CD109: variants seen among roughly 807,000 people sequenced by gnomAD.
CD109 encodes the protein CD109 antigen.
A neutral mutation model predicts 165.8 loss-of-function variants in CD109; 149 were observed. The observed-to-expected ratio is 0.90, with a 90% CI of 0.79 to 1.03. The LOEUF (loss-of-function observed/expected upper bound fraction) is 1.03, where lower values mean the gene tolerates loss of function less well. Among genes scored for constraint, CD109 ranks in the 50% least tolerant of loss-of-function variants. CD109 has a pLI of 0.00. For synonymous variants in CD109, 585 were observed against 592.1 expected (o/e 0.99, Z 0.18); for missense variants, 1,712 against 1,677.8 (o/e 1.02, Z -0.36).
At chr6:73,736,339 C>T (rs1582080396) in intron 4 of CD109, 44 bp from the exon 5 acceptor site, 5 of 1,604,352 alleles carry the variant, frequency 3.1e-6, no homozygotes, top group Non-Finnish European at 3.4e-6. Context: ...TACACATGCA[C>T]ATGGGCAGCC....
intron 3 of CD109, among the ~76,000 whole-genome samples, chr6:73,724,754 C>T (rs1417672287): frequency 2.0e-5 from 3 of 151,926 alleles, no homozygotes; most frequent in Non-Finnish European, 4.4e-5. Flanking sequence ...CTGGCATGTG[C>T]CACCATGCCT....
intron 2 of CD109, among the ~76,000 whole-genome samples, chr6:73,710,675 T>A (rs957093320): frequency 3.3e-5 from 5 of 152,046 alleles, no homozygotes; most frequent in Non-Finnish European, 7.4e-5. Context: ...GTGGCATGAG[T>A]CCAAGTCTCC....
intron 24 of CD109, among the ~76,000 whole-genome samples, chr6:73,803,520 C>CT (rs1013210554): frequency 6.6e-6 from 1 of 151,852 alleles, no homozygotes; most frequent in Non-Finnish European, 1.5e-5. Context: ...TATAAATCCT[C>CT]TTTTTTGTGT....
chr6:73,778,560 T>G (rs1399241243), intron 15 of CD109, among the ~76,000 whole-genome samples: 1 of 152,178 alleles, frequency 6.6e-6, no homozygotes, highest in Non-Finnish European at 1.5e-5. Context: ...GTATTTGTAT[T>G]TTGTGACAGA....
intron 30 of CD109, 86 bp downstream of exon 30, chr6:73,815,209 C>G: frequency 8.9e-7 from 1 of 1,127,712 alleles, no homozygotes; most frequent in Non-Finnish European, 1.2e-6. Context: ...CTATATCAAT[C>G]TAAGAGTTAT....
At chr6:73,761,051 AC>A (rs1773608184) in intron 7 of CD109, among the ~76,000 whole-genome samples, 1 of 151,636 alleles carries the variant, frequency 6.6e-6, no homozygotes, top group Non-Finnish European at 1.5e-5. Flanking sequence ...ACACACACAC[AC>A]ACACACACAC....
chr6:73,807,956 G>A, intron 25 of CD109, 127 bp from the exon 26 acceptor site: 1 of 715,256 alleles, frequency 1.4e-6, no homozygotes, highest in East Asian at 2.8e-5. Context: ...TCATTGCCTA[G>A]TACAAGGTCA....
At chr6:73,716,937 T>C (rs1771766240) in intron 2 of CD109, among the ~76,000 whole-genome samples, 2 of 152,210 alleles carry the variant, frequency 1.3e-5, no homozygotes, top group South Asian at 4.1e-4. Flanking sequence ...CTTTAATCCA[T>C]TTTGATTTGA....
Position 73,762,913 on chromosome 6 carries a change from A to G in CD109, c.997+31A>G. The G allele has an allele frequency of 3.8e-6, 6 of 1,566,822 alleles. No individual in the cohort carries two copies. The South Asian group carries it at 7.2e-5, about 19-fold the overall frequency. On this transcript the variant is annotated intron_variant, in intron 9 of 32. Coordinates refer to ENST00000287097, the MANE Select transcript of CD109 (RefSeq NM_133493.5). ...TAGACTTTAAAGTGGAGGTAAAACT[A>G]TTCATGTGACACTGCTTTATCATCT...
At chr6:73,755,969 A>G (rs1195514311) in intron 5 of CD109, among the ~76,000 whole-genome samples, 1 of 152,114 alleles carries the variant, frequency 6.6e-6, no homozygotes, top group East Asian at 1.9e-4. Flanking sequence ...TGAAAAAACA[A>G]AAACAAAAAC....
chr6:73,745,209 CT>C (rs1487189919), intron 5 of CD109, among the ~76,000 whole-genome samples: 5 of 152,164 alleles, frequency 3.3e-5, no homozygotes, highest in Non-Finnish European at 5.9e-5. Context: ...TCAAGTGATT[CT>C]CCTGCCTTAG....
At chr6:73,739,371 A>G (rs1469759424) in intron 5 of CD109, among the ~76,000 whole-genome samples, 2 of 152,206 alleles carry the variant, frequency 1.3e-5, no homozygotes, top group Non-Finnish European at 2.9e-5. Context: ...TTCTTTGACT[A>G]CTGCGCAGCA....
chr6:73,711,229 G>A (rs1284196244), intron 2 of CD109, among the ~76,000 whole-genome samples: 1 of 151,634 alleles, frequency 6.6e-6, no homozygotes. Flanking sequence ...ACTTTTAGTA[G>A]GTTTGTGTTT....
rs1476748918 is a variant in CD109, at chr6:73,818,514, A to G, written c.4038A>G (p.Lys1346=). 5.0e-6 allele frequency: 8 copies of G among 1,612,558 alleles called. No homozygotes were observed. Among genetic ancestry groups the G allele is most frequent in the Non-Finnish European group, 4.2e-6 (5 of 1,179,688 alleles). ...AGAAAGTGGAATATGATCATGGAAA[A>G]CTCAACCTCTATTTAGATTCTGTAA... is the stretch of plus-strand genomic sequence containing the variant. ...TVKKVEYDHG[K]LNLYLDSVNE... The change falls in exon 31 of 33, where the codon AAA becomes AAG. Residue 1346 remains lysine (K), a synonymous_variant. Transcript: ENST00000287097.
the CD109 span, among the ~76,000 whole-genome samples, chr6:73,684,338 A>G: frequency 1.9e-3 from 279 of 150,660 alleles, 3 homozygotes; most frequent in Non-Finnish European, 3.3e-3. Flanking sequence ...TCCCACTTCA[A>G]TCTCCCAAGT....
chr6:73,812,886 A>T (rs1775801808), intron 29 of CD109, among the ~76,000 whole-genome samples: 1 of 152,118 alleles, frequency 6.6e-6, no homozygotes, highest in Non-Finnish European at 1.5e-5. Flanking sequence ...AATTTGTGAT[A>T]GGACCAAAAA....
rs1021222689 is a variant in CD109 at position 73,826,659 on chromosome 6, T to C, written c.*3026T>C. The C allele has an allele frequency of 6.6e-6, 1 of 152,188 alleles. No homozygotes were observed. Among genetic ancestry groups the C allele is most frequent in the Non-Finnish European group, 1.5e-5 (1 of 68,030 alleles). The allele number at this position is 152,188 out of a possible 1,614,324, so 9.4% of individuals were successfully genotyped here. On this transcript the variant is annotated 3_prime_UTR_variant, in exon 33 of 33. Transcript: ENST00000287097. ...TTTGTTTTTCAAAACATTGTAAAAA[T>C]AGTATCTTTGGTTTAGTATTTTGGA...
chr6:73,817,919 A>G (rs1233858995), intron 30 of CD109, among the ~76,000 whole-genome samples: 2 of 152,228 alleles, frequency 1.3e-5, no homozygotes, highest in South Asian at 2.1e-4. Context: ...TCAGACGAAT[A>G]AAAGGTTGCT....
intron 18 of CD109, among the ~76,000 whole-genome samples, chr6:73,782,980 T>C (rs977362763): frequency 1.4e-5 from 2 of 143,514 alleles, no homozygotes; most frequent in African/African-American, 5.1e-5. Context: ...AGATAGGCCT[T>C]TTTTTTTTTT....
Sources: allele counts gnomAD v4.1 joint callset (sites outside exome capture counted in the v4.1 genomes callset), GRCh38; gene constraint gnomAD v4.1.1; transcripts MANE v1.5; gene names NCBI Gene and HGNC (gene_info 2026-07-23, HGNC 2026-07-21).